Variants in SMC1B observed in about 807,000 individuals in gnomAD.
SMC1B encodes the protein structural maintenance of chromosomes protein 1B.
Under a neutral mutation model 157.9 loss-of-function variants are expected in SMC1B, and 60 were observed. The observed-to-expected ratio is 0.38, with a 90% CI of 0.31 to 0.47. SMC1B has a LOEUF of 0.47. SMC1B is among the 20% of genes least tolerant of loss of function. The probability of loss-of-function intolerance (pLI) is 0.99; values close to 1 mark genes in which losing one functional copy is unlikely to be tolerated. For synonymous variants in SMC1B, 445 were observed against 483.0 expected (o/e 0.92, Z 1.03); for missense variants, 1,165 against 1,426.2 (o/e 0.82, Z 2.95).
chr22:45,408,707 T>C lies in SMC1B; in HGVS notation c.298+3A>G, dbSNP rs755610138. 3 of 1,560,072 alleles carry C rather than the reference T, an allele frequency of 1.9e-6. No individual in the cohort carries two copies. In the East Asian group the frequency reaches 6.8e-5, roughly 36 times the overall value. ...AAAATGAAAAAAAATTATAAAAAAA[T>C]ACCTCGGATAATCCTTGCAAATGTT... On this transcript the variant is annotated splice_donor_region_variant and intron_variant, in intron 2 of 24. Transcript: ENST00000357450.
In SMC1B at chr22:45,349,732, C is replaced by T; in HGVS notation, c.3491G>A (p.Gly1164Asp). ...VDAALDNTNI[G>D]KVSSYIKEQT... Reference sequence around the variant, plus strand: ...AAATGAAAAGCAGAAACTTACTTTGCCTATGTTAGTATTGTCTAGGGCTGC... The same window carrying T: ...AAATGAAAAGCAGAAACTTACTTTGTCTATGTTAGTATTGTCTAGGGCTGC... The change falls in exon 23 of 25, where the codon GGC becomes GAC. Residue 1164 changes from glycine to aspartate, a missense_variant. Transcript: ENST00000357450. 6.2e-7 allele frequency: 1 copy of T among 1,611,542 alleles called. No individual in the cohort carries two copies. The highest frequency in any genetic ancestry group is 1.1e-5 in the South Asian group (1 of 90,526).
At position 45,361,934 on chromosome 22, in the gene SMC1B, C is replaced by T; in HGVS notation, c.2613G>A (p.Gln871=). 1 of 1,614,112 alleles carries T rather than the reference C, an allele frequency of 6.2e-7. No homozygotes were observed. The highest frequency in any genetic ancestry group is 8.5e-7 in the Non-Finnish European group (1 of 1,179,976). Residue 871 remains glutamine (Q), a synonymous_variant, in exon 17 of 25, where the codon CAG becomes CAA. Transcript: ENST00000357450. ...GAGTGACACGTATGTCCTTAAGTTG[C>T]TGCTGCTTTGCCATGAGTTCATTCA... ...QTVNELMAKQ[Q]QLKDIRVTQN... is the part of the protein sequence containing the mutation.
chr22:45,402,686 T>C (rs781104071), intron 4 of SMC1B, 115 bp from the exon 5 acceptor site: 27 of 780,680 alleles, frequency 3.5e-5, no homozygotes, highest in Non-Finnish European at 4.9e-5. Flanking sequence ...TATTAGGACA[T>C]AATGTTCTTG....
chr22:45,412,366 A>C (rs1464298600), intron 1 of SMC1B, among the ~76,000 whole-genome samples: 1 of 145,582 alleles, frequency 6.9e-6, no homozygotes, highest in Non-Finnish European at 1.5e-5. Flanking sequence ...ACACCCGATT[A>C]ATTTTTGTAT....
intron 24 of SMC1B, among the ~76,000 whole-genome samples, chr22:45,345,187 G>A (rs1443536518): frequency 2.6e-5 from 4 of 152,174 alleles, no homozygotes; most frequent in African/African-American, 4.8e-5. Context: ...TTAACAGTTC[G>A]TGTAAATTAA....
intron 12 of SMC1B, among the ~76,000 whole-genome samples, chr22:45,381,104 G>GT (rs1370545225): frequency 6.6e-6 from 1 of 151,982 alleles, no homozygotes; most frequent in Non-Finnish European, 1.5e-5. Flanking sequence ...CCAGAAGTAC[G>GT]TTTTTTAGTC....
At chr22:45,406,014 T>G (rs2087255398) in intron 4 of SMC1B, among the ~76,000 whole-genome samples, 2 of 152,232 alleles carry the variant, frequency 1.3e-5, no homozygotes, top group South Asian at 4.1e-4. Context: ...CTATTTATAT[T>G]AACATGTAAT....
At chr22:45,380,203 C>CT (rs551427346) in intron 12 of SMC1B, among the ~76,000 whole-genome samples, 6 of 151,774 alleles carry the variant, frequency 4.0e-5, no homozygotes, top group East Asian at 3.9e-4. Context: ...TGATACGAGC[C>CT]TTTTTTTTGT....
chr22:45,411,139 T>C (rs2087328518), intron 1 of SMC1B, among the ~76,000 whole-genome samples: 2 of 152,240 alleles, frequency 1.3e-5, no homozygotes, highest in African/African-American at 2.4e-5. Context: ...ATAAAGGTTA[T>C]AGTCTGTCAA....
At chr22:45,390,613 G>A (rs1344093802) in intron 9 of SMC1B, among the ~76,000 whole-genome samples, 1 of 152,028 alleles carries the variant, frequency 6.6e-6, no homozygotes, top group Non-Finnish European at 1.5e-5. Context: ...GCTGAGGCAG[G>A]AGAATCGCTT....
chr22:45,348,856 G>C (rs909437441), intron 23 of SMC1B, among the ~76,000 whole-genome samples: 3 of 151,528 alleles, frequency 2.0e-5, no homozygotes, highest in African/African-American at 7.3e-5. Flanking sequence ...GTGCCACCAT[G>C]CTCAGATAAT....
intron 12 of SMC1B, among the ~76,000 whole-genome samples, chr22:45,372,811 C>T (rs1358543755): frequency 6.6e-6 from 1 of 151,458 alleles, no homozygotes; most frequent in Admixed American, 6.6e-5. Flanking sequence ...CTCCCAGGTT[C>T]ACGCCATTCT....
intron 17 of SMC1B, among the ~76,000 whole-genome samples, chr22:45,360,315 C>G (rs2086708876): frequency 6.6e-6 from 1 of 152,178 alleles, no homozygotes; most frequent in Admixed American, 6.5e-5. Flanking sequence ...GTCACATACA[C>G]TTAATAATCT....
At chr22:45,371,622 C>A in intron 13 of SMC1B, 35 bp from the exon 14 acceptor site, 1 of 1,562,616 alleles carries the variant, frequency 6.4e-7, no homozygotes. Context: ...TTTAACATGG[C>A]TGTTTTAGCT....
At chr22:45,349,108 G>C (rs2146753910) in intron 23 of SMC1B, among the ~76,000 whole-genome samples, 2 of 149,832 alleles carry the variant, frequency 1.3e-5, no homozygotes, top group South Asian at 4.2e-4. Flanking sequence ...TCCACCTCCT[G>C]GGTTCAGCCG....
At chr22:45,350,945 T>G (rs5765271) in intron 22 of SMC1B, among the ~76,000 whole-genome samples, 132,567 of 152,178 alleles carry the variant, frequency 0.87, 57,841 homozygotes, top group African/African-American at 0.91. Context: ...ATCCATGCTG[T>G]GCTCACTCTG....
In SMC1B at chr22:45,380,962, T is replaced by G. The variant is rs1379157749; in HGVS notation, c.2058+2505A>C. Among the ~76,000 whole-genome samples, 18 of 141,578 alleles carry G rather than the reference T, an allele frequency of 1.3e-4. 1 individual carries two copies. The allele number at this position is 141,578 out of a possible 152,430, so 92.9% of individuals were successfully genotyped here. On this transcript the variant is annotated intron_variant, in intron 12 of 24. Coordinates refer to ENST00000357450, the MANE Select transcript of SMC1B (RefSeq NM_148674.5). ...ACAAACAAACAATAAAAGAAGTACT[T>G]TTTTTTTTTTTTTTTGTGAGATGGA...
intron 1 of SMC1B, among the ~76,000 whole-genome samples, chr22:45,410,778 T>C (rs2087323450): frequency 6.6e-6 from 1 of 152,184 alleles, no homozygotes; most frequent in African/African-American, 2.4e-5. Flanking sequence ...AGGAATACTA[T>C]CAGCCACCGG....
intron 15 of SMC1B, among the ~76,000 whole-genome samples, chr22:45,368,593 C>A (rs1238281522): frequency 6.6e-6 from 1 of 151,402 alleles, no homozygotes; most frequent in Non-Finnish European, 1.5e-5. Flanking sequence ...TCTCGGCTCA[C>A]TGCAATTTCT....
Sources: gnomAD v4.1 joint callset for allele counts (sites outside exome capture counted in the v4.1 genomes callset) on GRCh38, gnomAD v4.1.1 for gene constraint, MANE v1.5 for transcripts, NCBI Gene and HGNC (gene_info 2026-07-23, HGNC 2026-07-21) for gene names.